Variants in CFAP74 observed in about 807,000 individuals in gnomAD.
CFAP74 encodes the protein cilia- and flagella-associated protein 74.
In CFAP74, 124 loss-of-function variants were observed where a neutral mutation model predicts 188.9. The ratio of observed to expected loss-of-function variants is 0.66; its 90% confidence interval spans 0.57 to 0.76. The LOEUF (loss-of-function observed/expected upper bound fraction) is 0.76, where lower values mean the gene tolerates loss of function less well. CFAP74 is among the 30% of genes least tolerant of loss of function. The pLI is 0.00. For synonymous variants in CFAP74, 956 were observed against 916.7 expected, an observed-to-expected ratio of 1.04 and a Z score of -0.77; for missense variants, 2,198 against 2,165.2, an observed-to-expected ratio of 1.02 and a Z score of -0.30.
Position 1,926,922 on chromosome 1 carries a change from T to C in CFAP74, c.3634A>G (p.Arg1212Gly), listed in dbSNP as rs1250356442. ...CVVASGDIKD[R>G]KGSEPLSFSP... is the part of the protein sequence containing the mutation. ...AAGCTCAGGGGTTCTGACCCCTTCC[T>C]GTCTTTGATGTCGCCACTGGCAACA... Residue 1212 changes from arginine to glycine, a missense_variant, in exon 29 of 39, where the codon AGG becomes GGG. Coordinates refer to ENST00000682832, the MANE Select transcript of CFAP74 (RefSeq NM_001304360.2). 1.0e-5 allele frequency: 16 copies of C among 1,550,132 alleles called. No homozygotes were observed. Among genetic ancestry groups the C allele is most frequent in the Non-Finnish European group, 1.0e-5 (12 of 1,146,896 alleles).
intron 6 of CFAP74, among the ~76,000 whole-genome samples, chr1:1,980,071 G>A (rs558610983): frequency 1.4e-5 from 2 of 145,462 alleles, no homozygotes; most frequent in African/African-American, 2.5e-5. Flanking sequence ...CTCTTACCGC[G>A]TGGGGAGGAC....
intron 9 of CFAP74, 68 bp from the exon 10 acceptor site, chr1:1,970,884 C>T (rs1310759629): frequency 2.4e-5 from 38 of 1,561,414 alleles, no homozygotes; most frequent in African/African-American, 5.4e-5. Flanking sequence ...CTCACACCTG[C>T]ACATGTGCAC....
chr1:1,988,668 A>C lies in CFAP74; in HGVS notation c.153-13T>G. 1 of 1,603,868 alleles carries C rather than the reference A, an allele frequency of 6.2e-7. No homozygotes were observed. Among genetic ancestry groups the C allele is most frequent in the Non-Finnish European group, 8.5e-7 (1 of 1,179,694 alleles). ...TTCTTTCACTGAGCTTAGGATGAAA[A>C]GGACGTCAGCTGCCACCACCCCAGC... On this transcript the variant is annotated splice_polypyrimidine_tract_variant and intron_variant, in intron 3 of 38. Transcript: ENST00000682832.
chr1:1,988,215 A>G, intron 4 of CFAP74: 1 of 599,598 alleles, frequency 1.7e-6, no homozygotes. Flanking sequence ...TATAAAATAC[A>G]AACACACACA....
intron 1 of CFAP74, among the ~76,000 whole-genome samples, chr1:1,997,307 A>G (rs568741523): frequency 6.6e-6 from 1 of 152,124 alleles, no homozygotes; most frequent in East Asian, 1.9e-4. Context: ...CTGTAATCCC[A>G]GCTACTTGGG....
rs773698979 is a variant in CFAP74 at position 1,956,646 on chromosome 1, C to T, written c.1990G>A (p.Asp664Asn). Reference sequence around the variant, plus strand: ...AATTTCAGGGCAGACTGGGAGTCGTCCATCTCACAGGGCTCTGAAGCTGGC... The same window carrying T: ...AATTTCAGGGCAGACTGGGAGTCGTTCATCTCACAGGGCTCTGAAGCTGGC... Reference protein sequence around the residue: ...FLPASEPCEMDDSQSALKLSS... With the variant: ...FLPASEPCEMNDSQSALKLSS... The change falls in exon 17 of 39, where the codon GAC (aspartate) becomes AAC (asparagine). Residue 664 changes from aspartate to asparagine, a missense_variant. By Grantham distance (23) the Asp-to-Asn change is conservative. Coordinates refer to ENST00000682832, the MANE Select transcript of CFAP74 (RefSeq NM_001304360.2). 11 of 1,614,198 alleles carry T rather than the reference C, an allele frequency of 6.8e-6. No individual in the cohort carries two copies. The South Asian group carries it at 1.2e-4, about 18-fold the overall frequency.
chr1:1,989,010 G>A, intron 2 of CFAP74, 37 bp from the exon 3 acceptor site: 2 of 922,324 alleles, frequency 2.2e-6, no homozygotes, highest in Non-Finnish European at 3.3e-6. Context: ...AAAAAAAAAA[G>A]CAGATCAAAC....
intron 18 of CFAP74, among the ~76,000 whole-genome samples, chr1:1,948,934 T>TTCCTTCTTCCTTCTCTC: frequency 2.4e-5 from 1 of 40,838 alleles, no homozygotes; most frequent in Non-Finnish European, 6.5e-5. Flanking sequence ...CCTTCCTCTT[T>TTCCTTCTTCCTTCTCTC]CCTCCCTTCC....
chr1:1,979,557 GAAGGTGTC>G (rs1355513358), intron 6 of CFAP74, among the ~76,000 whole-genome samples: 1 of 138,870 alleles, frequency 7.2e-6, no homozygotes, highest in African/African-American at 2.6e-5. Context: ...CTGGGCGTGG[GAAGGTGTC>G]ACGTGACGAG....
At chr1:1,966,564 A>C in intron 11 of CFAP74, 38 bp from the exon 12 acceptor site, 1 of 1,468,726 alleles carries the variant, frequency 6.8e-7, no homozygotes, top group Non-Finnish European at 9.1e-7. Context: ...AGACACGCTC[A>C]TGACAGAGAA....
intron 25 of CFAP74, among the ~76,000 whole-genome samples, chr1:1,930,631 A>G (rs528490355): frequency 1.3e-5 from 2 of 152,202 alleles, no homozygotes; most frequent in South Asian, 4.1e-4. Flanking sequence ...ACGACAGCTC[A>G]CTGTAGCCTC....
rs1452275791 is a variant in CFAP74 at position 1,975,022 on chromosome 1, C to G, written c.501-824G>C. Among the ~76,000 whole-genome samples, 1 of 152,332 alleles carries G rather than the reference C, an allele frequency of 6.6e-6. No individual in the cohort carries two copies. The highest frequency in any genetic ancestry group is 1.9e-4 in the East Asian group (1 of 5,182). On this transcript the variant is annotated intron_variant, in intron 6 of 38. Coordinates refer to ENST00000682832, the MANE Select transcript of CFAP74 (RefSeq NM_001304360.2). This position sits in a 1 kb window ranked among gnomAD's most constrained non-coding sequence, Gnocchi z 4.5. ...GCGGCTCAGGCCGGGGCTGGCCACG[C>G]GAGGATCAGAACCCTGGACAAGGTC...
chr1:1,924,144 A>C (rs986927920), intron 34 of CFAP74, among the ~76,000 whole-genome samples: 57 of 21,304 alleles, frequency 2.7e-3, no homozygotes, highest in Admixed American at 3.8e-3. Flanking sequence ...CTCACTGCCC[A>C]CCCCCCCAGC....
At chr1:1,949,532 T>C (rs1322870910) in intron 18 of CFAP74, among the ~76,000 whole-genome samples, 4 of 132,856 alleles carry the variant, frequency 3.0e-5, no homozygotes, top group Non-Finnish European at 4.8e-5. Flanking sequence ...AAGTTGCATA[T>C]AGTAAAATGG....
At chr1:1,952,313 G>T (rs1345540572) in intron 18 of CFAP74, among the ~76,000 whole-genome samples, 1 of 139,996 alleles carries the variant, frequency 7.1e-6, no homozygotes, top group Non-Finnish European at 1.6e-5. Flanking sequence ...GAGTAGAGAA[G>T]AAAATAAAGG....
chr1:1,930,774 A>T (rs1652308537), intron 25 of CFAP74, among the ~76,000 whole-genome samples: 1 of 152,166 alleles, frequency 6.6e-6, no homozygotes, highest in Non-Finnish European at 1.5e-5. Flanking sequence ...TTGCAAAGGA[A>T]ATTTCTAGCT....
Position 1,924,528 on chromosome 1 carries a change from G to A in CFAP74, c.4105-8C>T, listed in dbSNP as rs550467777. The A allele has an allele frequency of 2.1e-4, 330 of 1,599,640 alleles. No individual in the cohort carries two copies. Among genetic ancestry groups the A allele is most frequent in the Non-Finnish European group, 2.7e-4 (321 of 1,174,084 alleles). On this transcript the variant is annotated splice_polypyrimidine_tract_variant and splice_region_variant and intron_variant, in intron 33 of 38. Transcript: ENST00000682832. ...CAGAGAGTTGTTCTGCAGCTGCAGA[G>A]AGCAGGCCGCGGTCACTGCCCGCCA...
intron 1 of CFAP74, among the ~76,000 whole-genome samples, chr1:2,002,534 A>G (rs1658257499): frequency 6.6e-6 from 1 of 151,292 alleles, no homozygotes; most frequent in South Asian, 2.1e-4. Flanking sequence ...TACAAAAATT[A>G]GCCAGGCATG....
chr1:1,959,174 C>T lies in CFAP74; in HGVS notation c.1797G>A (p.Leu599=). The T allele has an allele frequency of 6.2e-7, 1 of 1,612,334 alleles. No homozygotes were observed. Among genetic ancestry groups the T allele is most frequent in the Non-Finnish European group, 8.5e-7 (1 of 1,178,682 alleles). Residue 599 remains leucine, a synonymous_variant, in exon 16 of 39, where the codon TTG becomes TTA. Coordinates refer to ENST00000682832, the MANE Select transcript of CFAP74 (RefSeq NM_001304360.2). ...GAACTGAAAACTCGCCCGTCTGAGC[C>T]AAAAATGAGATATTTCCTTCTAGAT... ...NKDLEGNISF[L]AQTGEFSVPL... is the part of the protein sequence containing the mutation.
Sources: allele counts gnomAD v4.1 joint callset (sites outside exome capture counted in the v4.1 genomes callset), GRCh38; gene constraint gnomAD v4.1.1; non-coding constraint Gnocchi (gnomAD v3.1); transcripts MANE v1.5; gene names NCBI Gene and HGNC (gene_info 2026-07-23, HGNC 2026-07-21).